The following ATP2C1 variants were observed in gnomAD, a reference collection of about 807,000 sequenced individuals.
The protein encoded by ATP2C1 is calcium-transporting ATPase type 2C member 1.
A neutral mutation model predicts 120.5 loss-of-function variants in ATP2C1; 31 were observed. The ratio of observed to expected loss-of-function variants is 0.26; its 90% CI spans 0.19 to 0.35. The LOEUF (loss-of-function observed/expected upper bound fraction) is 0.35. Ranked by LOEUF, ATP2C1 falls within the 10% of genes least tolerant of loss-of-function variation. The probability of loss-of-function intolerance (pLI) is 1.00; values close to 1 mark genes in which losing one functional copy is unlikely to be tolerated. For missense variants in ATP2C1, 731 were observed against 1,107.5 expected, an observed-to-expected ratio of 0.66 and a Z score of 4.83; for synonymous variants, 351 against 358.7, an observed-to-expected ratio of 0.98 and a Z score of 0.24.
At chr3:130,946,772 G>A (rs1231512599) in intron 8 of ATP2C1, among the ~76,000 whole-genome samples, 1 of 152,192 alleles carries the variant, frequency 6.6e-6, no homozygotes, top group Non-Finnish European at 1.5e-5. Context: ...TCAAATATTT[G>A]ATAAAATGTA....
At chr3:130,943,271 A>G (rs2059998402) in intron 8 of ATP2C1, among the ~76,000 whole-genome samples, 1 of 152,178 alleles carries the variant, frequency 6.6e-6, no homozygotes, top group Non-Finnish European at 1.5e-5. Flanking sequence ...GCTGGAGTGC[A>G]GTGGTGCGAT....
chr3:130,999,676 C>T lies in ATP2C1; in HGVS notation c.2629+17C>T. The T allele has an allele frequency of 6.2e-7, 1 of 1,602,530 alleles. No individual in the cohort carries two copies. Among genetic ancestry groups the T allele is most frequent in the Non-Finnish European group, 8.5e-7 (1 of 1,170,172 alleles). ...GCATACTGGGTAAAGAAAACGTTAT[C>T]TTTATCATTTATGTATTTTAGATAA... On this transcript the variant is annotated intron_variant, in intron 27 of 27. Coordinates refer to ENST00000510168, the MANE Select transcript of ATP2C1 (RefSeq NM_001378687.1).
intron 20 of ATP2C1, among the ~76,000 whole-genome samples, chr3:130,984,863 C>A (rs1298912950): frequency 1.3e-5 from 2 of 152,134 alleles, no homozygotes; most frequent in East Asian, 3.9e-4. Flanking sequence ...TAATAAATAA[C>A]CTACATAGTT....
intron 2 of ATP2C1, among the ~76,000 whole-genome samples, chr3:130,911,125 C>A (rs373362240): frequency 2.3e-4 from 35 of 149,064 alleles, no homozygotes; most frequent in South Asian, 1.1e-3. Flanking sequence ...ACAATTTCAG[C>A]TCCTGTTATT....
chr3:130,990,272 A>ACC (rs71306204), intron 20 of ATP2C1, among the ~76,000 whole-genome samples: 14,601 of 101,814 alleles, frequency 0.14, 1,711 homozygotes, highest in South Asian at 0.2. Flanking sequence ...CTTAAGAGCA[A>ACC]CCCCCCCCCC....
chr3:130,905,329 C>G lies in ATP2C1; in HGVS notation c.6+10554C>G, dbSNP rs559249591. ...TGCCAGTGATGCTGCCAGTTCTGTT[C>G]TTCCACCATAGGGTCCATTTTGGTC... On this transcript the variant is annotated intron_variant, in intron 2 of 27. Coordinates refer to ENST00000510168, the MANE Select transcript of ATP2C1 (RefSeq NM_001378687.1). 2.0e-5 allele frequency among the ~76,000 whole-genome samples: 3 copies of G among 152,180 alleles called. No individual in the cohort carries two copies. The East Asian group carries it at 5.8e-4, about 29-fold the overall frequency.
chr3:130,879,064 A>G (rs940120512), intron 1 of ATP2C1, among the ~76,000 whole-genome samples: 3 of 151,900 alleles, frequency 2.0e-5, no homozygotes, highest in African/African-American at 2.4e-5. Context: ...GTTTTAATAT[A>G]TATATATTTT....
At chr3:130,872,940 G>C (rs1179911229) in intron 1 of ATP2C1, among the ~76,000 whole-genome samples, 1 of 152,136 alleles carries the variant, frequency 6.6e-6, no homozygotes, top group Non-Finnish European at 1.5e-5. Context: ...AAGAGGGTCT[G>C]CTTGGAGAAT....
chr3:130,991,325 G>A (rs2062330854), intron 20 of ATP2C1, among the ~76,000 whole-genome samples: 1 of 152,162 alleles, frequency 6.6e-6, no homozygotes. Context: ...GCAATGTGGT[G>A]GTGGTGGTGG....
intron 2 of ATP2C1, among the ~76,000 whole-genome samples, chr3:130,909,887 A>G (rs917476092): frequency 2.0e-5 from 3 of 151,752 alleles, no homozygotes; most frequent in African/African-American, 7.3e-5. Context: ...TTTATTGTCA[A>G]TAGAGTTAGG....
At chr3:130,941,223 AGTGTGTGTGTGTGTGTGTGTGTGT>A (rs71774561) in intron 7 of ATP2C1, among the ~76,000 whole-genome samples, 1 of 144,338 alleles carries the variant, frequency 6.9e-6, no homozygotes, top group Non-Finnish European at 1.5e-5. Context: ...TGTATTTAAC[AGTGTGTGTGTGTGTGTGTGTGTGT>A]GTGTGTGTGT....
At chr3:130,938,514 T>C (rs981146898) in intron 6 of ATP2C1, among the ~76,000 whole-genome samples, 11 of 152,250 alleles carry the variant, frequency 7.2e-5, no homozygotes. Context: ...TAGTTGTTAT[T>C]AGTTCTGTAG....
At chr3:130,893,966 C>T (rs2069331492), upstream of ATP2C1, 1 of 985,686 alleles carries the variant, frequency 1.0e-6, no homozygotes, top group African/African-American at 1.7e-5. Flanking sequence ...CCTGCGCGCA[C>T]CTCTCTCAGC....
At chr3:131,010,011 C>G (rs1349098204) in intron 26 of ATP2C1, among the ~76,000 whole-genome samples, 1 of 152,044 alleles carries the variant, frequency 6.6e-6, no homozygotes, top group Non-Finnish European at 1.5e-5. Context: ...GTACACCAGC[C>G]AGCCAAACAG....
At chr3:130,943,027 A>G (rs893665643) in intron 8 of ATP2C1, among the ~76,000 whole-genome samples, 9 of 152,364 alleles carry the variant, frequency 5.9e-5, no homozygotes, top group East Asian at 1.9e-4. Context: ...TTCGAGAAAT[A>G]TAATGATAGA....
At chr3:130,891,703 C>T (rs1029359648), upstream of ATP2C1, among the ~76,000 whole-genome samples, 1 of 152,120 alleles carries the variant, frequency 6.6e-6, no homozygotes. Context: ...TAATTTGCAA[C>T]CTGTGTTCAC....
At chr3:130,926,362 A>G (rs1009298160) in intron 2 of ATP2C1, among the ~76,000 whole-genome samples, 2 of 152,246 alleles carry the variant, frequency 1.3e-5, no homozygotes, top group Non-Finnish European at 2.9e-5. Context: ...AAACAAACAC[A>G]AAAACTGGAT....
chr3:130,892,702 G>A (rs988641435), upstream of ATP2C1, among the ~76,000 whole-genome samples: 2 of 149,968 alleles, frequency 1.3e-5, no homozygotes, highest in African/African-American at 4.9e-5. Context: ...GTGGATCATA[G>A]TTAACTCGTT....
At chr3:130,952,539 A>G (rs1351290912) in intron 8 of ATP2C1, among the ~76,000 whole-genome samples, 2 of 152,202 alleles carry the variant, frequency 1.3e-5, no homozygotes, top group African/African-American at 4.8e-5. Flanking sequence ...TACTTGGTAC[A>G]TAGTGTGAAC....
Sources: allele counts gnomAD v4.1 joint callset (sites outside exome capture counted in the v4.1 genomes callset), GRCh38; gene constraint gnomAD v4.1.1; transcripts MANE v1.5; gene names NCBI Gene and HGNC (gene_info 2026-07-23, HGNC 2026-07-21).